Variants in TFEC observed in about 807,000 individuals in gnomAD.
The protein encoded by TFEC is transcription factor EC.
A neutral mutation model predicts 41.6 loss-of-function variants in TFEC; 31 were observed. The observed-to-expected ratio is 0.74, with a 90% CI of 0.56 to 1.01. The LOEUF is 1.01. Ranked by LOEUF, TFEC falls within the 50% of genes least tolerant of loss-of-function variation. The pLI, the probability that TFEC is intolerant of heterozygous loss-of-function variation, is 0.00. For missense variants in TFEC, 402 were observed against 404.1 expected, an observed-to-expected ratio of 0.99 and a Z score of 0.04; for synonymous variants, 143 against 140.6, an observed-to-expected ratio of 1.02 and a Z score of -0.12.
chr7:115,996,589 A>G (rs1369321605), intron 1 of TFEC, among the ~76,000 whole-genome samples: 1 of 151,936 alleles, frequency 6.6e-6, no homozygotes, highest in African/African-American at 2.4e-5. Context: ...CATCTTAAGT[A>G]AAAGCTAGCC....
chr7:116,073,730 A>G (rs1157158396), intron 3 of TFEC, among the ~76,000 whole-genome samples: 1 of 152,028 alleles, frequency 6.6e-6, no homozygotes, highest in Non-Finnish European at 1.5e-5. Flanking sequence ...ACAATTTCCT[A>G]TTTCAAAACT....
chr7:116,129,585 ACT>A (rs1491396716), intron 1 of TFEC, among the ~76,000 whole-genome samples: 39 of 132,752 alleles, frequency 2.9e-4, no homozygotes, highest in African/African-American at 1.1e-3. Flanking sequence ...CAATATTCTT[ACT>A]TTTTTTTTTT....
At chr7:116,064,200 G>T (rs1290176161) in intron 3 of TFEC, among the ~76,000 whole-genome samples, 2 of 151,932 alleles carry the variant, frequency 1.3e-5, no homozygotes, top group Admixed American at 6.6e-5. Context: ...GTACTATATT[G>T]TTAAAAATCA....
chr7:116,090,684 A>G (rs1295405497), intron 3 of TFEC, among the ~76,000 whole-genome samples: 1 of 152,188 alleles, frequency 6.6e-6, no homozygotes, highest in Non-Finnish European at 1.5e-5. Context: ...ATTATATTTT[A>G]TCTGAAAATA....
At chr7:116,007,447 G>A (rs12706071) in intron 1 of TFEC, among the ~76,000 whole-genome samples, 20,785 of 152,156 alleles carry the variant, frequency 0.14, 1,899 homozygotes, top group Non-Finnish European at 0.21. Flanking sequence ...CTGGTAGTGG[G>A]GAGAGTTGTG....
intron 2 of TFEC, among the ~76,000 whole-genome samples, chr7:115,979,323 C>T (rs1046092171): frequency 6.6e-5 from 10 of 152,062 alleles, no homozygotes; most frequent in Admixed American, 3.9e-4. Context: ...CACCATCTGC[C>T]TTCTTTTCTA....
At chr7:116,059,888 G>A (rs1562955014) in intron 3 of TFEC, among the ~76,000 whole-genome samples, 1 of 151,936 alleles carries the variant, frequency 6.6e-6, no homozygotes, top group Non-Finnish European at 1.5e-5. Context: ...AAGACTAAAT[G>A]CTTTTCCACT....
At chr7:115,944,369 A>G (rs1793680553) in intron 6 of TFEC, among the ~76,000 whole-genome samples, 1 of 151,342 alleles carries the variant, frequency 6.6e-6, no homozygotes, top group Admixed American at 6.6e-5. Flanking sequence ...TTTCTCTTTG[A>G]TTGTTATTTT....
chr7:115,967,249 TTAATA>T (rs1253747900), intron 3 of TFEC, among the ~76,000 whole-genome samples: 2 of 151,728 alleles, frequency 1.3e-5, no homozygotes, highest in South Asian at 4.1e-4. Flanking sequence ...TATGATATAT[TTAATA>T]TGAGTGTCAA....
At chr7:116,010,737 G>A (rs1401155383) in intron 1 of TFEC, among the ~76,000 whole-genome samples, 3 of 152,062 alleles carry the variant, frequency 2.0e-5, no homozygotes, top group Non-Finnish European at 2.9e-5. Context: ...AATCTATTCT[G>A]ATATTAAACT....
At chr7:116,006,922 ATC>A (rs1794815921) in intron 1 of TFEC, among the ~76,000 whole-genome samples, 1 of 152,088 alleles carries the variant, frequency 6.6e-6, no homozygotes, top group Admixed American at 6.6e-5. Context: ...TCCCTGCACA[ATC>A]TCTCTTCTCT....
rs61363085 is a variant in TFEC, at chr7:116,114,558, G to C, written c.-68-2520C>G. 1.8e-3 allele frequency among the ~76,000 whole-genome samples: 272 copies of C among 152,080 alleles called. 1 individual carries two copies. Among genetic ancestry groups the C allele is most frequent in the African/African-American group, 6.2e-3 (257 of 41,512 alleles). On this transcript the variant is annotated intron_variant, in intron 1 of 8. Coordinates refer to the TFEC transcript ENST00000484212. ...TTCTGGATGCTGAGGGCATCTGGAT[G>C]CTGTGGGGGTGAAGTTCCAAGGGAG...
chr7:116,107,424 G>C (rs771553692), intron 3 of TFEC, among the ~76,000 whole-genome samples: 12 of 152,164 alleles, frequency 7.9e-5, no homozygotes, highest in Non-Finnish European at 1.6e-4. Flanking sequence ...CACTGGAGCT[G>C]AATAACATTA....
intron 3 of TFEC, among the ~76,000 whole-genome samples, chr7:116,070,563 A>G (rs1475952308): frequency 2.0e-5 from 3 of 151,486 alleles, no homozygotes; most frequent in African/African-American, 7.2e-5. Context: ...AACCGGAAGA[A>G]TACATATAAA....
At chr7:116,044,801 C>CT (rs1283565947) in intron 3 of TFEC, among the ~76,000 whole-genome samples, 1 of 152,214 alleles carries the variant, frequency 6.6e-6, no homozygotes, top group Non-Finnish European at 1.5e-5. Context: ...TAACCTGCCT[C>CT]TTTAAGATGC....
intron 1 of TFEC, among the ~76,000 whole-genome samples, chr7:116,024,294 A>G (rs1443975410): frequency 6.6e-6 from 1 of 152,110 alleles, no homozygotes; most frequent in African/African-American, 2.4e-5. Flanking sequence ...TCTCCTATGG[A>G]GAGGCGAGGT....
intron 2 of TFEC, among the ~76,000 whole-genome samples, chr7:115,975,875 T>A (rs1225581278): frequency 1.3e-5 from 2 of 152,100 alleles, no homozygotes; most frequent in Non-Finnish European, 2.9e-5. Flanking sequence ...CTAATGGGAA[T>A]AGAGCAGAGT....
chr7:115,984,926 A>T (rs549366387), intron 1 of TFEC, among the ~76,000 whole-genome samples: 1 of 152,146 alleles, frequency 6.6e-6, no homozygotes, highest in Non-Finnish European at 1.5e-5. Context: ...ATGGAATATG[A>T]TCAAAACTTT....
At chr7:115,984,130 T>C in intron 2 of TFEC, 132 bp downstream of exon 2, 1 of 1,156,008 alleles carries the variant, frequency 8.7e-7, no homozygotes, top group Non-Finnish European at 1.2e-6. Context: ...TAGAGAATAA[T>C]TAATTAAAAG....
Sources: allele counts gnomAD v4.1 joint callset (sites outside exome capture counted in the v4.1 genomes callset), GRCh38; gene constraint gnomAD v4.1.1; transcripts MANE v1.5; gene names NCBI Gene and HGNC (gene_info 2026-07-23, HGNC 2026-07-21).